Variants in VEGFC observed in about 807,000 individuals in gnomAD.
The protein encoded by VEGFC is FLT4 ligand DHM.
Under a neutral mutation model 46.1 loss-of-function variants are expected in VEGFC, and 12 were observed. That is an observed-to-expected ratio of 0.26 (90% CI 0.17 to 0.42). The LOEUF (loss-of-function observed/expected upper bound fraction) is 0.42. Ranked by LOEUF, VEGFC falls within the 10% of genes least tolerant of loss-of-function variation. The pLI is 1.00. For missense variants in VEGFC, 488 were observed against 529.4 expected (o/e 0.92, Z 0.77); for synonymous variants, 232 against 195.5 (o/e 1.19, Z -1.56).
intron 1 of VEGFC, among the ~76,000 whole-genome samples, chr4:176,738,681 CA>C: frequency 6.6e-6 from 1 of 152,116 alleles, no homozygotes; most frequent in Admixed American, 6.6e-5. Context: ...GCGATTGCAA[CA>C]AAAGCAAAGA....
At chr4:176,783,742 AG>A (rs1735952142) in intron 1 of VEGFC, among the ~76,000 whole-genome samples, 1 of 152,202 alleles carries the variant, frequency 6.6e-6, no homozygotes, top group Non-Finnish European at 1.5e-5. Context: ...GCAGAACTAC[AG>A]TATGTAGCCT....
At chr4:176,758,285 A>G (rs1735468327) in intron 1 of VEGFC, among the ~76,000 whole-genome samples, 1 of 152,128 alleles carries the variant, frequency 6.6e-6, no homozygotes, top group African/African-American at 2.4e-5. Flanking sequence ...CAAATAAGTT[A>G]ATTGCCTCAG....
intron 1 of VEGFC, among the ~76,000 whole-genome samples, chr4:176,742,414 C>T (rs1162934574): frequency 6.6e-6 from 1 of 151,930 alleles, no homozygotes; most frequent in Admixed American, 6.6e-5. Flanking sequence ...GTCTGTTTGA[C>T]AGGATGTTTC....
intron 1 of VEGFC, among the ~76,000 whole-genome samples, chr4:176,791,851 G>A (rs2110963506): frequency 6.6e-6 from 1 of 152,262 alleles, no homozygotes; most frequent in South Asian, 2.1e-4. Context: ...ACTCTCCAGA[G>A]CCCCGCTGAC....
chr4:176,709,436 A>G (rs1734585855), intron 4 of VEGFC, among the ~76,000 whole-genome samples: 1 of 152,208 alleles, frequency 6.6e-6, no homozygotes, highest in Admixed American at 6.5e-5. Flanking sequence ...TGATAAAGCC[A>G]TGTGAGGATG....
At chr4:176,748,982 A>G (rs1735300099) in intron 1 of VEGFC, among the ~76,000 whole-genome samples, 1 of 152,004 alleles carries the variant, frequency 6.6e-6, no homozygotes, top group Non-Finnish European at 1.5e-5. Flanking sequence ...AAACATATAT[A>G]ACAAGATTAA....
At chr4:176,759,304 C>T (rs1360011316) in intron 1 of VEGFC, among the ~76,000 whole-genome samples, 4 of 151,644 alleles carry the variant, frequency 2.6e-5, no homozygotes, top group Admixed American at 6.6e-5. Context: ...GAAGGAAATC[C>T]GGCCATTTGC....
chr4:176,727,696 AG>A (rs1734894978), intron 3 of VEGFC, 81 bp downstream of exon 3: 1 of 1,414,736 alleles, frequency 7.1e-7, no homozygotes, highest in African/African-American at 1.4e-5. Flanking sequence ...TAAAGCAACC[AG>A]AAGTTTAAAC....
intron 1 of VEGFC, among the ~76,000 whole-genome samples, chr4:176,788,590 T>C (rs890798340): frequency 6.6e-6 from 1 of 152,224 alleles, no homozygotes; most frequent in African/African-American, 2.4e-5. Flanking sequence ...GAGTACCTGT[T>C]GTTTACTCTC....
Position 176,739,049 on chromosome 4 carries a change from T to C in VEGFC, c.148-9303A>G, listed in dbSNP as rs148995701. On this transcript the variant is annotated intron_variant, in intron 1 of 6. Transcript: ENST00000618562. ...ACATGCAGCTGACAAACATATGAAA[T>C]AAAAGCTCAATATCACTGATCATTA... is the stretch of plus-strand genomic sequence containing the variant. Among the ~76,000 whole-genome samples, 84 of 151,344 alleles carry C rather than the reference T, an allele frequency of 5.6e-4. 1 individual carries two copies. The highest frequency in any genetic ancestry group is 1.9e-3 in the African/African-American group (80 of 41,264).
chr4:176,715,567 T>G (rs1279886269), intron 3 of VEGFC, among the ~76,000 whole-genome samples: 1 of 152,102 alleles, frequency 6.6e-6, no homozygotes, highest in African/African-American at 2.4e-5. Context: ...GCTGGTCTCA[T>G]GTGTGTATAT....
intron 1 of VEGFC, among the ~76,000 whole-genome samples, chr4:176,769,639 G>A (rs1014825247): frequency 5.9e-5 from 9 of 152,136 alleles, no homozygotes; most frequent in African/African-American, 2.2e-4. Context: ...CACAGGGATG[G>A]AGTTAGAATT....
chr4:176,711,563 T>G lies in VEGFC; in HGVS notation c.640A>C (p.Lys214Gln), dbSNP rs1223086758. The G allele has an allele frequency of 6.2e-7, 1 of 1,613,706 alleles. No individual in the cohort carries two copies. Among genetic ancestry groups the G allele is most frequent in the Non-Finnish European group, 8.5e-7 (1 of 1,179,802 alleles). The change falls in exon 4 of 7, where the codon AAA becomes CAA. Residue 214 changes from lysine to glutamine, a missense_variant. Physicochemically the swap from Lys to Gln is moderately conservative, Grantham distance 53. Coordinates refer to ENST00000618562, the MANE Select transcript of VEGFC (RefSeq NM_005429.5). ...ANHTSCRCMS[K>Q]LDVYRQVHSI... is the part of the protein sequence containing the mutation. ...TGAACTTGTCTGTAAACATCCAGTT[T>G]AGACATGCATCGGCAGGAAGTGTGA...
chr4:176,770,942 T>C (rs1372870531), intron 1 of VEGFC, among the ~76,000 whole-genome samples: 2 of 150,450 alleles, frequency 1.3e-5, no homozygotes, highest in East Asian at 3.9e-4. Context: ...TACAACCTAC[T>C]ACTGTCTTTC....
At chr4:176,774,050 C>T (rs1381234457) in intron 1 of VEGFC, among the ~76,000 whole-genome samples, 6 of 151,846 alleles carry the variant, frequency 4.0e-5, no homozygotes, top group East Asian at 1.9e-4. Flanking sequence ...CTTATAGAGG[C>T]GGCTTCATTT....
intron 5 of VEGFC, 40 bp from the exon 6 acceptor site, chr4:176,687,560 G>T: frequency 6.8e-7 from 1 of 1,481,102 alleles, no homozygotes; most frequent in Non-Finnish European, 9.0e-7. Flanking sequence ...TACCTTACTT[G>T]GTTCTGGGTG....
At chr4:176,757,031 T>C (rs1440732363) in intron 1 of VEGFC, among the ~76,000 whole-genome samples, 1 of 152,036 alleles carries the variant, frequency 6.6e-6, no homozygotes, top group East Asian at 1.9e-4. Flanking sequence ...TGGACATATA[T>C]TAAACACTCA....
chr4:176,733,038 A>G (rs1734993967), intron 1 of VEGFC, among the ~76,000 whole-genome samples: 1 of 151,958 alleles, frequency 6.6e-6, no homozygotes, highest in Admixed American at 6.6e-5. Context: ...GCATTAAATT[A>G]GAGAAATGCT....
At chr4:176,709,731 C>A (rs1239257911) in intron 4 of VEGFC, among the ~76,000 whole-genome samples, 1 of 152,122 alleles carries the variant, frequency 6.6e-6, no homozygotes, top group Non-Finnish European at 1.5e-5. Context: ...AATTTGTGCT[C>A]AGTTCTTTGA....
Sources: allele counts gnomAD v4.1 joint callset (sites outside exome capture counted in the v4.1 genomes callset), GRCh38; gene constraint gnomAD v4.1.1; transcripts MANE v1.5; gene names NCBI Gene and HGNC (gene_info 2026-07-23, HGNC 2026-07-21).